The following KAZN variants were observed in gnomAD, a reference collection of about 807,000 sequenced individuals.
KAZN encodes kazrin, periplakin interacting protein.
In KAZN, 40 loss-of-function variants were observed where a neutral mutation model predicts 87.4. That is an observed-to-expected ratio of 0.46 (90% CI 0.36 to 0.60). The LOEUF is 0.60. Among genes scored for constraint, KAZN ranks in the 20% least tolerant of loss-of-function variants. KAZN has a pLI of 0.00. For synonymous variants in KAZN, 466 were observed against 458.3 expected, an observed-to-expected ratio of 1.02 and a Z score of -0.22; for missense variants, 898 against 1,073.9, an observed-to-expected ratio of 0.84 and a Z score of 2.29.
At chr1:14,372,855 G>A (rs1338566156) in intron 2 of KAZN, among the ~76,000 whole-genome samples, 1 of 152,166 alleles carries the variant, frequency 6.6e-6, no homozygotes, top group African/African-American at 2.4e-5. Context: ...TTGCCCTCGA[G>A]GAGATTGTAG....
intron 1 of KAZN, among the ~76,000 whole-genome samples, chr1:14,101,507 A>T (rs374043106): frequency 3.9e-5 from 6 of 152,118 alleles, no homozygotes; most frequent in Non-Finnish European, 7.4e-5. Context: ...CTGGCTGGGG[A>T]TGGGAGTAGG....
At position 15,114,810 on chromosome 1, in the gene KAZN, A is replaced by G; in HGVS notation, c.*175A>G. On this transcript the variant is annotated 3_prime_UTR_variant, in exon 15 of 15. Coordinates refer to ENST00000376030, the MANE Select transcript of KAZN (RefSeq NM_201628.3). ...CAGCTCCACAGCGCCCAGGAGAGAG[A>G]AGACACCAGCCCACCTGTCTTGGGT... 1.7e-6 allele frequency: 1 copy of G among 601,324 alleles called. No individual in the cohort carries two copies. The highest frequency in any genetic ancestry group is 2.8e-6 in the Non-Finnish European group (1 of 351,762). 37.2% of individuals were successfully genotyped at this position (601,324 alleles called of 1,614,324 possible).
intron 2 of KAZN, among the ~76,000 whole-genome samples, chr1:14,450,087 C>A (rs1394590943): frequency 6.7e-6 from 1 of 150,332 alleles, no homozygotes; most frequent in Non-Finnish European, 1.5e-5. Flanking sequence ...ACAGCATGCT[C>A]TGGGAGCTTC....
chr1:14,269,192 A>C (rs528186525), intron 2 of KAZN, among the ~76,000 whole-genome samples: 3 of 152,206 alleles, frequency 2.0e-5, no homozygotes, highest in East Asian at 3.9e-4. Flanking sequence ...TAGATATTAC[A>C]ATTTCATGGT....
intron 2 of KAZN, among the ~76,000 whole-genome samples, chr1:14,519,501 C>A (rs1671469482): frequency 6.6e-6 from 1 of 152,190 alleles, no homozygotes; most frequent in African/African-American, 2.4e-5. Context: ...TCAGTTGAGG[C>A]TCTTCCCCTC....
intron 2 of KAZN, among the ~76,000 whole-genome samples, chr1:14,361,139 G>C (rs1391796795): frequency 2.0e-5 from 3 of 152,240 alleles, no homozygotes; most frequent in African/African-American, 7.2e-5. Flanking sequence ...GCCCAGAGAG[G>C]AGGAATCTGG....
At chr1:14,360,197 A>T (rs1412001855) in intron 2 of KAZN, among the ~76,000 whole-genome samples, 2 of 152,036 alleles carry the variant, frequency 1.3e-5, no homozygotes, top group African/African-American at 2.4e-5. Context: ...GTTTATTTTC[A>T]ATCTCTGATA....
intron 1 of KAZN, among the ~76,000 whole-genome samples, chr1:14,022,177 G>A (rs907581085): frequency 2.0e-5 from 3 of 151,994 alleles, no homozygotes; most frequent in African/African-American, 7.2e-5. Flanking sequence ...TGTATGTTGT[G>A]TGCATGCATG....
chr1:14,889,793 A>G lies in KAZN; in HGVS notation c.227-70891A>G, dbSNP rs180849286. Among the ~76,000 whole-genome samples the G allele has an allele frequency of 2.0e-5, 3 of 152,358 alleles. No individual in the cohort carries two copies. In the East Asian group the frequency reaches 5.8e-4, roughly 29 times the overall value. Reference sequence around the variant, plus strand: ...AAAATTCAAACTGCAGTGTCCATAAATAAAATGTTACTGGATCACAGCCTT... The same window carrying G: ...AAAATTCAAACTGCAGTGTCCATAAGTAAAATGTTACTGGATCACAGCCTT... On this transcript the variant is annotated intron_variant, in intron 1 of 14. Coordinates refer to ENST00000376030, the MANE Select transcript of KAZN (RefSeq NM_201628.3).
At chr1:14,452,340 TC>T (rs1221705884) in intron 2 of KAZN, among the ~76,000 whole-genome samples, 2 of 152,196 alleles carry the variant, frequency 1.3e-5, no homozygotes, top group Non-Finnish European at 2.9e-5. Flanking sequence ...CTGTTTGAAA[TC>T]CTTACCTAGG....
At chr1:14,785,090 G>A (rs1231296918) in intron 1 of KAZN, among the ~76,000 whole-genome samples, 3 of 152,036 alleles carry the variant, frequency 2.0e-5, no homozygotes, top group Middle Eastern at 3.4e-3. Flanking sequence ...AAGGAGTGGC[G>A]TGGACCCTAA....
Position 15,094,880 on chromosome 1 carries a change from G to T in KAZN, c.1494G>T (p.Arg498=). The T allele has an allele frequency of 6.4e-7, 1 of 1,550,580 alleles. No homozygotes were observed. The highest frequency in any genetic ancestry group is 8.7e-7 in the Non-Finnish European group (1 of 1,146,798). The part of the protein sequence containing the change: ...LGLGVCSSLH[R]RKLRLAIEDY... ...TTGGGGTGTGCAGCTCCCTGCACCGGCGCAAGCTGCGCCTGGCCATCGAGG... is the reference window on the plus strand; with the variant it reads ...TTGGGGTGTGCAGCTCCCTGCACCGTCGCAAGCTGCGCCTGGCCATCGAGG... Residue 498 remains arginine (R), a synonymous_variant, in exon 10 of 15, where the codon CGG becomes CGT. Coordinates refer to ENST00000376030, the MANE Select transcript of KAZN (RefSeq NM_201628.3). The surrounding 1 kb of genome is among the most constrained non-coding windows in gnomAD (Gnocchi z 4.5).
chr1:14,831,641 G>A (rs956619992), intron 1 of KAZN, among the ~76,000 whole-genome samples: 15 of 152,190 alleles, frequency 9.9e-5, no homozygotes, highest in Non-Finnish European at 1.8e-4. Context: ...AAGAAATATT[G>A]AGCCTACCGC....
At position 14,519,826 on chromosome 1, in the gene KAZN, G is replaced by T. The variant is rs1025544715; in HGVS notation, c.250-79157G>T. ...TGTCTGGCATGACCCAGCAGCAGGA[G>T]AAATGTCTGAGCTAGAAGTGGATAG... On this transcript the variant is annotated intron_variant, in intron 2 of 16. Transcript: ENST00000636203. Among the ~76,000 whole-genome samples, 19 of 152,074 alleles carry T rather than the reference G, an allele frequency of 1.2e-4. 1 individual carries two copies. Among genetic ancestry groups the T allele is most frequent in the Admixed American group, 1.2e-3 (18 of 15,274 alleles).
chr1:14,257,751 C>CA (rs1650631845), intron 2 of KAZN, among the ~76,000 whole-genome samples: 2 of 125,604 alleles, frequency 1.6e-5, no homozygotes, highest in Non-Finnish European at 3.1e-5. Context: ...AATGAGATCC[C>CA]ATGGACACAG....
rs547983432 is a variant in KAZN at position 14,856,073 on chromosome 1, G to A, written c.227-104611G>A. Among the ~76,000 whole-genome samples the A allele has an allele frequency of 2.8e-4, 42 of 152,274 alleles. No individual in the cohort carries two copies. In the South Asian group the frequency reaches 8.3e-3, roughly 30 times the overall value. On this transcript the variant is annotated intron_variant, in intron 1 of 14. Transcript: ENST00000376030. This position sits in a 1 kb window ranked among gnomAD's most constrained non-coding sequence, Gnocchi z 5.2. ...TGGGATATGGCAGGTGAGTAATAACGTGATTTACATCCTTGGGGGTTTGGG... is the reference window on the plus strand; with the variant it reads ...TGGGATATGGCAGGTGAGTAATAACATGATTTACATCCTTGGGGGTTTGGG...
chr1:14,168,123 G>A (rs998325510), intron 1 of KAZN, among the ~76,000 whole-genome samples: 5 of 152,082 alleles, frequency 3.3e-5, no homozygotes, highest in African/African-American at 4.8e-5. Context: ...AGTCTTTACC[G>A]GACAACGACA....
At chr1:14,325,961 G>A (rs1414771106) in intron 2 of KAZN, among the ~76,000 whole-genome samples, 1 of 151,882 alleles carries the variant, frequency 6.6e-6, no homozygotes, top group Admixed American at 6.6e-5. Context: ...CCAATCCAGA[G>A]GACTCTTGGC....
chr1:14,476,852 C>G (rs1163068855), intron 2 of KAZN, among the ~76,000 whole-genome samples: 1 of 152,198 alleles, frequency 6.6e-6, no homozygotes, highest in Admixed American at 6.5e-5. Flanking sequence ...CCACTTCTCT[C>G]TAGCCGTGGC....
Sources: gnomAD v4.1 joint callset for allele counts (sites outside exome capture counted in the v4.1 genomes callset) on GRCh38, gnomAD v4.1.1 for gene constraint, Gnocchi (gnomAD v3.1) non-coding constraint, MANE v1.5 for transcripts, NCBI Gene and HGNC (gene_info 2026-07-23, HGNC 2026-07-21) for gene names.